Variants in TWSG1 observed in about 807,000 individuals in gnomAD.
TWSG1 encodes the protein twisted gastrulation protein homolog 1.
TWSG1 carries 15 observed loss-of-function variants against 23.0 expected under a neutral mutation model. The ratio of observed to expected loss-of-function variants is 0.65; its 90% CI spans 0.44 to 1.00. The LOEUF (loss-of-function observed/expected upper bound fraction) is 1.00, where lower values mean the gene tolerates loss of function less well. Ranked by LOEUF, TWSG1 falls within the 50% of genes least tolerant of loss-of-function variation. The pLI is 0.00. For missense variants in TWSG1, 242 were observed against 278.7 expected (o/e 0.87, Z 0.94); for synonymous variants, 86 against 92.8 (o/e 0.93, Z 0.42).
At chr18:9,377,094 G>T (rs2040633848) in intron 3 of TWSG1, among the ~76,000 whole-genome samples, 3 of 152,172 alleles carry the variant, frequency 2.0e-5, no homozygotes, top group African/African-American at 7.2e-5. Flanking sequence ...GGATTTTGGT[G>T]TTTCCTGGGG....
intron 3 of TWSG1, among the ~76,000 whole-genome samples, chr18:9,390,089 T>G (rs73383450): frequency 0.041 from 6,192 of 152,328 alleles, 414 homozygotes; most frequent in African/African-American, 0.14. Context: ...GGCTCTTGCC[T>G]AGATCTTGAT....
chr18:9,391,508 T>TG (rs2040712784), intron 3 of TWSG1, among the ~76,000 whole-genome samples: 1 of 152,192 alleles, frequency 6.6e-6, no homozygotes, highest in Non-Finnish European at 1.5e-5. Flanking sequence ...GCTATAACCT[T>TG]ACAAGATATA....
intron 3 of TWSG1, among the ~76,000 whole-genome samples, chr18:9,378,446 A>G (rs1395026136): frequency 1.3e-5 from 2 of 152,192 alleles, no homozygotes; most frequent in African/African-American, 4.8e-5. Flanking sequence ...TGTACAAAAA[A>G]TCAGTAGCGC....
At position 9,385,667 on chromosome 18, in the gene TWSG1, A is replaced by G. The variant is rs1598833530; in HGVS notation, c.224-10613A>G. Among the ~76,000 whole-genome samples the G allele has an allele frequency of 7.0e-5, 2 of 28,452 alleles. 1 individual carries two copies. Among genetic ancestry groups the G allele is most frequent in the African/African-American group, 4.8e-4 (2 of 4,174 alleles). 18.7% of individuals were successfully genotyped at this position (28,452 alleles called of 152,430 possible). ...TTGCGCCACTGCAGTCCGCAGTCCGACCTGGGCGACAGAGCGAGACTCCGT... is the reference window on the plus strand; with the variant it reads ...TTGCGCCACTGCAGTCCGCAGTCCGGCCTGGGCGACAGAGCGAGACTCCGT... On this transcript the variant is annotated intron_variant, in intron 3 of 4. Transcript: ENST00000262120.
rs965205526 is a variant in TWSG1, at chr18:9,357,421, C to G, written c.124-2551C>G. Among the ~76,000 whole-genome samples the G allele has an allele frequency of 2.6e-5, 4 of 151,914 alleles. No individual in the cohort carries two copies. The South Asian group carries it at 6.2e-4, about 24-fold the overall frequency. On this transcript the variant is annotated intron_variant, in intron 2 of 4. Coordinates refer to ENST00000262120, the MANE Select transcript of TWSG1 (RefSeq NM_020648.6). ...TGGAGACAAAAAACAATAACAAAAC[C>G]CAAGGAATTAAAATCGGTGCTGCAA... is the stretch of plus-strand genomic sequence containing the variant.
rs748346356 is a variant in TWSG1 at position 9,400,245 on chromosome 18, T to A, written c.*718T>A. On this transcript the variant is annotated 3_prime_UTR_variant, in exon 5 of 5. Transcript: ENST00000262120. Reference sequence around the variant, plus strand: ...GTGATGAAGAATCTTTACCAAGATTTTCAGGGTGTACCTATGAAATTGCTT... The same window carrying A: ...GTGATGAAGAATCTTTACCAAGATTATCAGGGTGTACCTATGAAATTGCTT... 2.6e-5 allele frequency: 4 copies of A among 152,184 alleles called. No individual in the cohort carries two copies. Among genetic ancestry groups the A allele is most frequent in the Non-Finnish European group, 5.9e-5 (4 of 68,026 alleles). 9.4% of individuals were successfully genotyped at this position (152,184 alleles called of 1,614,324 possible).
intron 3 of TWSG1, among the ~76,000 whole-genome samples, chr18:9,368,147 T>G (rs556183557): frequency 1.3e-5 from 2 of 152,328 alleles, no homozygotes; most frequent in Admixed American, 1.3e-4. Flanking sequence ...TTCATCTTTT[T>G]TATAATGGCC....
At chr18:9,382,387 G>T (rs141943854) in intron 3 of TWSG1, among the ~76,000 whole-genome samples, 4,363 of 152,166 alleles carry the variant, frequency 0.029, 96 homozygotes, top group Middle Eastern at 0.11. Context: ...GCTAGGTGTG[G>T]TGGCGCATGC....
At chr18:9,356,507 A>G (rs1157620745) in intron 2 of TWSG1, among the ~76,000 whole-genome samples, 2 of 152,198 alleles carry the variant, frequency 1.3e-5, no homozygotes, top group Admixed American at 6.5e-5. Context: ...TAAAAAAATT[A>G]TTTGGCATAA....
At chr18:9,374,036 G>A (rs1046290009) in intron 3 of TWSG1, among the ~76,000 whole-genome samples, 2 of 152,152 alleles carry the variant, frequency 1.3e-5, no homozygotes, top group African/African-American at 4.8e-5. Context: ...TTTGAGGGAT[G>A]CCATGAAAGC....
chr18:9,356,497 TA>T (rs1453600190), intron 2 of TWSG1, among the ~76,000 whole-genome samples: 8 of 152,174 alleles, frequency 5.3e-5, no homozygotes, highest in Non-Finnish European at 8.8e-5. Context: ...GACATTCATT[TA>T]AAAAAATTAT....
chr18:9,338,293 T>C (rs572467341), intron 2 of TWSG1, among the ~76,000 whole-genome samples: 1 of 152,344 alleles, frequency 6.6e-6, no homozygotes, highest in African/African-American at 2.4e-5. Context: ...CGTACTCTGA[T>C]AACCCTAACT....
At chr18:9,379,051 G>A (rs2040644292) in intron 3 of TWSG1, among the ~76,000 whole-genome samples, 1 of 152,158 alleles carries the variant, frequency 6.6e-6, no homozygotes, top group Non-Finnish European at 1.5e-5. Context: ...TGGAGAAAAG[G>A]GAACACTTAC....
At chr18:9,347,428 G>T (rs2040482436) in intron 2 of TWSG1, among the ~76,000 whole-genome samples, 1 of 152,194 alleles carries the variant, frequency 6.6e-6, no homozygotes, top group Non-Finnish European at 1.5e-5. Context: ...AATTTGGGGA[G>T]TACTGTGTTG....
At chr18:9,363,847 C>T (rs137988601) in intron 3 of TWSG1, among the ~76,000 whole-genome samples, 5,497 of 152,144 alleles carry the variant, frequency 0.036, 326 homozygotes, top group African/African-American at 0.12. Context: ...AGGCTGGTCT[C>T]GAACTCCTGT....
At chr18:9,382,379 T>C (rs565258576) in intron 3 of TWSG1, among the ~76,000 whole-genome samples, 1 of 151,982 alleles carries the variant, frequency 6.6e-6, no homozygotes, top group Non-Finnish European at 1.5e-5. Context: ...AAAAATTAGC[T>C]AGGTGTGGTG....
intron 3 of TWSG1, among the ~76,000 whole-genome samples, chr18:9,369,136 TAAATA>T (rs143374240): frequency 0.71 from 96,610 of 136,958 alleles, 31,034 homozygotes; most frequent in East Asian, 0.76. Flanking sequence ...AACAAATAAA[TAAATA>T]AAATAAAATA....
At chr18:9,355,197 C>T (rs1568033015) in intron 2 of TWSG1, among the ~76,000 whole-genome samples, 1 of 152,168 alleles carries the variant, frequency 6.6e-6, no homozygotes, top group Non-Finnish European at 1.5e-5. Context: ...ACCTTGTGAT[C>T]CGCCTGCCTT....
intron 3 of TWSG1, among the ~76,000 whole-genome samples, chr18:9,371,360 G>A (rs2040604480): frequency 6.7e-6 from 1 of 148,832 alleles, no homozygotes; most frequent in South Asian, 2.1e-4. Context: ...GCAATGGTGT[G>A]ATCTTGGCTC....
Sources: allele counts gnomAD v4.1 joint callset (sites outside exome capture counted in the v4.1 genomes callset), GRCh38; gene constraint gnomAD v4.1.1; transcripts MANE v1.5; gene names NCBI Gene and HGNC (gene_info 2026-07-23, HGNC 2026-07-21).